PHLPP1: variants seen among roughly 807,000 people sequenced by gnomAD.
The protein encoded by PHLPP1 is PH domain leucine-rich repeat-containing protein phosphatase 1.
Under a neutral mutation model 117.2 loss-of-function variants are expected in PHLPP1, and 42 were observed. The ratio of observed to expected loss-of-function variants is 0.36; its 90% CI spans 0.28 to 0.46. PHLPP1 has a LOEUF of 0.46. PHLPP1 is among the 20% of genes least tolerant of loss of function. The pLI, the probability that PHLPP1 is intolerant of heterozygous loss-of-function variation, is 1.00. For missense variants in PHLPP1, 2,084 were observed against 2,241.9 expected, an observed-to-expected ratio of 0.93 and a Z score of 1.42; for synonymous variants, 1,042 against 970.7, an observed-to-expected ratio of 1.07 and a Z score of -1.37.
At chr18:62,829,813 T>G (rs1176960844) in intron 1 of PHLPP1, among the ~76,000 whole-genome samples, 1 of 152,182 alleles carries the variant, frequency 6.6e-6, no homozygotes, top group African/African-American at 2.4e-5. Context: ...TTCCTATGAT[T>G]TTATGGAAAA....
At chr18:62,903,231 T>G in intron 7 of PHLPP1, 65 bp downstream of exon 7, 1 of 1,070,106 alleles carries the variant, frequency 9.3e-7, no homozygotes, top group South Asian at 1.3e-5. Flanking sequence ...GCATCATTAT[T>G]TCTGCTTCTG....
chr18:62,916,511 T>A (rs1423518185), intron 9 of PHLPP1, among the ~76,000 whole-genome samples: 1 of 151,796 alleles, frequency 6.6e-6, no homozygotes, highest in East Asian at 1.9e-4. Flanking sequence ...TACCTGTAAA[T>A]ACGATCCATT....
intron 4 of PHLPP1, among the ~76,000 whole-genome samples, chr18:62,862,536 C>T (rs1320560888): frequency 6.6e-6 from 1 of 152,170 alleles, no homozygotes; most frequent in Non-Finnish European, 1.5e-5. Context: ...GGTAAGCAGA[C>T]TTCTCACTTC....
chr18:62,860,663 G>T, intron 4 of PHLPP1, 62 bp downstream of exon 4: 1 of 1,310,050 alleles, frequency 7.6e-7, no homozygotes, highest in Non-Finnish European at 1.1e-6. Context: ...ACTTCTGCTT[G>T]TTATCTCTTG....
intron 1 of PHLPP1, among the ~76,000 whole-genome samples, chr18:62,809,847 A>G (rs1333201208): frequency 1.3e-5 from 2 of 152,234 alleles, no homozygotes; most frequent in Non-Finnish European, 2.9e-5. Context: ...TCAGTGTTTT[A>G]CAATGAATAT....
chr18:62,755,644 T>TCTA (rs1367638137), intron 1 of PHLPP1, among the ~76,000 whole-genome samples: 1 of 152,196 alleles, frequency 6.6e-6, no homozygotes, highest in Non-Finnish European at 1.5e-5. Flanking sequence ...AGACATCAAA[T>TCTA]CTACTGGTGC....
chr18:62,939,652 T>TA (rs1910073583), intron 10 of PHLPP1, among the ~76,000 whole-genome samples: 3 of 151,550 alleles, frequency 2.0e-5, no homozygotes, highest in Non-Finnish European at 2.9e-5. Flanking sequence ...TTTTTTTTTT[T>TA]AATGTCAACG....
At chr18:62,946,737 C>A (rs1478119138) in intron 12 of PHLPP1, among the ~76,000 whole-genome samples, 1 of 152,112 alleles carries the variant, frequency 6.6e-6, no homozygotes, top group African/African-American at 2.4e-5. Context: ...ATCACAGTGG[C>A]ATTTTAAGAT....
chr18:62,920,943 A>G (rs925454632), intron 10 of PHLPP1, among the ~76,000 whole-genome samples: 2 of 152,236 alleles, frequency 1.3e-5, no homozygotes, highest in Non-Finnish European at 2.9e-5. Flanking sequence ...TGAACAAACA[A>G]AATTTTCCTA....
intron 8 of PHLPP1, among the ~76,000 whole-genome samples, chr18:62,912,904 A>AACC (rs1052955930): frequency 6.6e-6 from 1 of 152,222 alleles, no homozygotes; most frequent in African/African-American, 2.4e-5. Context: ...TATAGGCATG[A>AACC]ACCACCATGC....
chr18:62,724,769 A>C (rs368176815), intron 1 of PHLPP1, among the ~76,000 whole-genome samples: 14 of 152,208 alleles, frequency 9.2e-5, no homozygotes, highest in Non-Finnish European at 1.5e-5. Context: ...GAGGGGTTGC[A>C]TATCACTTTG....
At chr18:62,968,359 C>T (rs191514192) in intron 14 of PHLPP1, among the ~76,000 whole-genome samples, 3 of 152,026 alleles carry the variant, frequency 2.0e-5, no homozygotes, top group Admixed American at 2.0e-4. Flanking sequence ...AAGAATTCAC[C>T]AGTGAAGCCA....
intron 1 of PHLPP1, among the ~76,000 whole-genome samples, chr18:62,820,206 G>A (rs1914406678): frequency 6.6e-6 from 1 of 152,030 alleles, no homozygotes. Context: ...ATCAAAAGCT[G>A]GTAGAACTGC....
At chr18:62,747,331 T>C (rs373590850) in intron 1 of PHLPP1, among the ~76,000 whole-genome samples, 1 of 149,592 alleles carries the variant, frequency 6.7e-6, no homozygotes, top group Non-Finnish European at 1.5e-5. Flanking sequence ...TTTGCCCAGG[T>C]TGGATTGCAG....
chr18:62,831,806 T>C (rs1914765214), intron 2 of PHLPP1, among the ~76,000 whole-genome samples: 1 of 152,202 alleles, frequency 6.6e-6, no homozygotes, highest in African/African-American at 2.4e-5. Flanking sequence ...CTATGTTAGT[T>C]TTTTCCTCTC....
intron 12 of PHLPP1, 72 bp from the exon 13 acceptor site, chr18:62,958,557 G>A (rs1910683659): frequency 1.4e-6 from 2 of 1,469,214 alleles, no homozygotes; most frequent in Admixed American, 3.4e-5. Context: ...CATGCAAAGA[G>A]TAGGAGTATA....
chr18:62,748,539 C>T (rs1041773678), intron 1 of PHLPP1, among the ~76,000 whole-genome samples: 1 of 152,170 alleles, frequency 6.6e-6, no homozygotes, highest in African/African-American at 2.4e-5. Flanking sequence ...AGCCACCACG[C>T]CCCGCCCAAA....
chr18:62,851,621 C>G (rs1010382294), intron 3 of PHLPP1, among the ~76,000 whole-genome samples: 8 of 151,962 alleles, frequency 5.3e-5, no homozygotes, highest in Non-Finnish European at 1.0e-4. Context: ...CCACCACACC[C>G]GGCTAATATT....
intron 3 of PHLPP1, among the ~76,000 whole-genome samples, chr18:62,842,098 G>A (rs1247688906): frequency 6.6e-6 from 1 of 152,248 alleles, no homozygotes; most frequent in South Asian, 2.1e-4. Context: ...CTGGCACATA[G>A]TAAGTGAGTA....
Sources: gnomAD v4.1 joint callset for allele counts (sites outside exome capture counted in the v4.1 genomes callset) on GRCh38, gnomAD v4.1.1 for gene constraint, MANE v1.5 for transcripts, NCBI Gene and HGNC (gene_info 2026-07-23, HGNC 2026-07-21) for gene names.